RNF25: variants seen among roughly 807,000 people sequenced by gnomAD.
RNF25 encodes ring finger protein 25.
RNF25 carries 32 observed loss-of-function variants against 65.0 expected under a neutral mutation model. That is an observed-to-expected ratio of 0.49 (90% CI 0.37 to 0.66). The LOEUF is 0.66. Ranked by LOEUF, RNF25 falls within the 30% of genes least tolerant of loss-of-function variation. The pLI, the probability that RNF25 is intolerant of heterozygous loss-of-function variation, is 0.00. For synonymous variants in RNF25, 207 were observed against 221.2 expected (o/e 0.94, Z 0.57); for missense variants, 493 against 584.8 (o/e 0.84, Z 1.62).
Position 218,664,296 on chromosome 2 carries a change from C to T in RNF25, c.1041G>A (p.Trp347Ter). 6.2e-7 allele frequency: 1 copy of T among 1,611,138 alleles called. No individual in the cohort carries two copies. Among genetic ancestry groups the T allele is most frequent in the Non-Finnish European group, 8.5e-7 (1 of 1,177,618 alleles). ...LDPPKPSRGP[W>*]RQPERRHPKG... ...TTGGGTGCCTCCGTTCGGGCTGTCG[C>T]CAGGGACCTCGACTGGGCTTGGGGG... Residue 347 changes from tryptophan to a stop codon, truncating the protein, a stop_gained, in exon 10 of 10, where the codon TGG becomes TGA. Coordinates refer to ENST00000295704, the MANE Select transcript of RNF25 (RefSeq NM_022453.3). LOFTEE classifies it high-confidence loss of function. This position sits in a 1 kb window ranked among gnomAD's most constrained non-coding sequence, Gnocchi z 5.1.
At position 218,664,665 on chromosome 2, in the gene RNF25, C is replaced by T; in HGVS notation, c.801+74G>A. The T allele has an allele frequency of 6.2e-7, 1 of 1,603,030 alleles. No homozygotes were observed. The highest frequency in any genetic ancestry group is 2.2e-5 in the East Asian group (1 of 44,846). On this transcript the variant is annotated intron_variant, in intron 9 of 9. Coordinates refer to ENST00000295704, the MANE Select transcript of RNF25 (RefSeq NM_022453.3). The surrounding 1 kb of genome is among the most constrained non-coding windows in gnomAD (Gnocchi z 5.1). ...CTTCCTGGTTAGAACAAAGCTCACT[C>T]TGGGGCCATGGCTGATTGGGGTTTG...
intron 2 of RNF25, 47 bp from the exon 3 acceptor site, chr2:218,668,388 T>TGGGGGTTG: frequency 1.4e-6 from 1 of 722,234 alleles, no homozygotes; most frequent in Admixed American, 2.7e-5. Context: ...GGTAGGGGCT[T>TGGGGGTTG]GGGGGCTGGG....
Position 218,664,917 on chromosome 2 carries a change from G to A in RNF25, c.667-44C>T. 1 of 1,611,554 alleles carries A rather than the reference G, an allele frequency of 6.2e-7. No individual in the cohort carries two copies. The highest frequency in any genetic ancestry group is 8.5e-7 in the Non-Finnish European group (1 of 1,178,942). ...GAGAGGAAATAATGAACAGCAGAAG[G>A]CTGACTCAAACCTCTACTCCTCCCA... is the stretch of plus-strand genomic sequence containing the variant. On this transcript the variant is annotated intron_variant, in intron 8 of 9. Transcript: ENST00000295704. The surrounding 1 kb of genome is among the most constrained non-coding windows in gnomAD (Gnocchi z 5.1).
Position 218,664,352 on chromosome 2 carries a change from A to G in RNF25, c.985T>C (p.Leu329=), listed in dbSNP as rs1398172851. 1.2e-6 allele frequency: 2 copies of G among 1,613,974 alleles called. No homozygotes were observed. The highest frequency in any genetic ancestry group is 2.7e-5 in the African/African-American group (2 of 74,902). Residue 329 remains leucine, a synonymous_variant, in exon 10 of 10, where the codon TTG becomes CTG. Coordinates refer to ENST00000295704, the MANE Select transcript of RNF25 (RefSeq NM_022453.3). The surrounding 1 kb of genome is among the most constrained non-coding windows in gnomAD (Gnocchi z 5.1). ...AGCATAGCTTTCTGGGTTTCGCCCAACCTTTGCTGATTTGACCTGGTCCCT... is the reference window on the plus strand; with the variant it reads ...AGCATAGCTTTCTGGGTTTCGCCCAGCCTTTGCTGATTTGACCTGGTCCCT... ...IPGTRSNQQR[L]GETQKAMLDP...
chr2:218,665,762 G>A (rs902370660), intron 7 of RNF25, among the ~76,000 whole-genome samples, 154 bp downstream of exon 7: 3 of 151,774 alleles, frequency 2.0e-5, no homozygotes, highest in African/African-American at 7.3e-5. Flanking sequence ...AAAAAAGGAT[G>A]CCCTTTATTC....
intron 5 of RNF25, among the ~76,000 whole-genome samples, chr2:218,667,471 C>G (rs1274281049): frequency 6.6e-6 from 1 of 151,920 alleles, no homozygotes; most frequent in Non-Finnish European, 1.5e-5. Context: ...CTTCCTCAGC[C>G]TCCCAAGTAA....
Position 218,665,188 on chromosome 2 carries a change from T to C in RNF25, c.633A>G (p.Ser211=). ...GTTGGGGTTCAGGGGCTGCTTTCAG[T>C]GAGGCAAGATCATACACGAGGGGCT... is the stretch of plus-strand genomic sequence containing the variant. ...CREPLVYDLA[S]LKAAPEPQQP... Residue 211 remains serine, a synonymous_variant, in exon 8 of 10, where the codon TCA becomes TCG. Coordinates refer to ENST00000295704, the MANE Select transcript of RNF25 (RefSeq NM_022453.3). 6.2e-7 allele frequency: 1 copy of C among 1,614,174 alleles called. No homozygotes were observed. Among genetic ancestry groups the C allele is most frequent in the Non-Finnish European group, 8.5e-7 (1 of 1,180,028 alleles).
chr2:218,671,837 C>T lies in RNF25; in HGVS notation c.41+93G>A. ...TGCCATCCCTCATCCCTCGCTCCAC[C>T]CCACACGCCCGCCGTACGGACCGTC... is the stretch of plus-strand genomic sequence containing the variant. On this transcript the variant is annotated intron_variant, in intron 1 of 9. Coordinates refer to ENST00000295704, the MANE Select transcript of RNF25 (RefSeq NM_022453.3). 6 of 1,417,556 alleles carry T rather than the reference C, an allele frequency of 4.2e-6. No homozygotes were observed. The South Asian group carries it at 6.0e-5, about 14-fold the overall frequency. The allele number at this position is 1,417,556 out of a possible 1,614,324, so 87.8% of individuals were successfully genotyped here. A position where few individuals can be genotyped will look rare whatever the true frequency, so the allele number is the denominator to read the frequency against.
Position 218,664,081 on chromosome 2 carries a change from C to A in RNF25, c.1256G>T (p.Arg419Leu). The A allele has an allele frequency of 2.0e-6, 3 of 1,514,722 alleles. No individual in the cohort carries two copies. Among genetic ancestry groups the A allele is most frequent in the Non-Finnish European group, 2.6e-6 (3 of 1,132,932 alleles). The allele number at this position is 1,514,722 out of a possible 1,614,324, so 93.8% of individuals were successfully genotyped here. ...PPPRRTRDCV[R>L]WERSKGRTPG... ...TGTCCGGCCTTTAGAGCGCTCCCAG[C>A]GAACACAGTCCCGAGTCCTGCGGGG... is the stretch of plus-strand genomic sequence containing the variant. The change falls in exon 10 of 10, where the codon CGC (arginine) becomes CTC (leucine). Residue 419 changes from arginine to leucine, a missense_variant. Around this residue, in one of 3 missense-constraint regions of RNF25, gnomAD observed 351 missense variants for 400.2 expected, o/e 0.88. Coordinates refer to ENST00000295704, the MANE Select transcript of RNF25 (RefSeq NM_022453.3). The surrounding 1 kb of genome is among the most constrained non-coding windows in gnomAD (Gnocchi z 5.1).
At position 218,663,939 on chromosome 2, in the gene RNF25, T is replaced by C. The variant is rs1553598570; in HGVS notation, c.*18A>G. Reference sequence around the variant, plus strand: ...CTCCCTCCCATCCCCAATTCCCTGTTCCCCCCACCAAGTCCTGCTAGGAAC... The same window carrying C: ...CTCCCTCCCATCCCCAATTCCCTGTCCCCCCCACCAAGTCCTGCTAGGAAC... On this transcript the variant is annotated 3_prime_UTR_variant, in exon 10 of 10. Coordinates refer to ENST00000295704, the MANE Select transcript of RNF25 (RefSeq NM_022453.3). 2.1e-6 allele frequency: 3 copies of C among 1,420,334 alleles called. No individual in the cohort carries two copies. Among genetic ancestry groups the C allele is most frequent in the Non-Finnish European group, 2.8e-6 (3 of 1,083,312 alleles). The allele number at this position is 1,420,334 out of a possible 1,614,324, so 88.0% of individuals were successfully genotyped here. A position where few individuals can be genotyped will look rare whatever the true frequency, so the allele number is the denominator to read the frequency against.
At chr2:218,668,795 G>T in intron 1 of RNF25, 116 bp from the exon 2 acceptor site, 1 of 727,196 alleles carries the variant, frequency 1.4e-6, no homozygotes, top group Non-Finnish European at 2.4e-6. Context: ...GCATTCTCCT[G>T]CTAAACTCCT....
Position 218,664,638 on chromosome 2 carries a change from A to G in RNF25, c.801+101T>C. 1.3e-6 allele frequency: 2 copies of G among 1,582,330 alleles called. No homozygotes were observed. Among genetic ancestry groups the G allele is most frequent in the Admixed American group, 1.7e-5 (1 of 58,294 alleles). On this transcript the variant is annotated intron_variant, in intron 9 of 9. Coordinates refer to ENST00000295704, the MANE Select transcript of RNF25 (RefSeq NM_022453.3). The surrounding 1 kb of genome is among the most constrained non-coding windows in gnomAD (Gnocchi z 5.1). ...CTGGGCTGACCACGATCAGCCTATCATCTTCCTGGTTAGAACAAAGCTCAC... is the reference window on the plus strand; with the variant it reads ...CTGGGCTGACCACGATCAGCCTATCGTCTTCCTGGTTAGAACAAAGCTCAC...
intron 1 of RNF25, 75 bp downstream of exon 1, chr2:218,671,855 G>T: frequency 6.5e-7 from 1 of 1,545,524 alleles, no homozygotes; most frequent in Non-Finnish European, 8.9e-7. Flanking sequence ...CCCGCCGTAC[G>T]GACCGTCTGC....
intron 5 of RNF25, among the ~76,000 whole-genome samples, chr2:218,666,577 C>T (rs1234733820): frequency 1.3e-5 from 2 of 152,110 alleles, no homozygotes; most frequent in African/African-American, 2.4e-5. Flanking sequence ...CTTGATTAGC[C>T]CCCTTCAATA....
intron 5 of RNF25, among the ~76,000 whole-genome samples, chr2:218,666,696 G>T (rs748630298): frequency 3.6e-4 from 55 of 152,200 alleles, no homozygotes; most frequent in Non-Finnish European, 7.1e-4. Context: ...GAGTTGGGCT[G>T]TGAACTATGC....
chr2:218,667,895 A>C lies in RNF25; in HGVS notation c.357+17T>G. On this transcript the variant is annotated intron_variant, in intron 5 of 9. Transcript: ENST00000295704. ...GCTTGAAGGAAAGAACATATCTCAG[A>C]CTAGCGCACCTCTTACCTCAATGAG... The C allele has an allele frequency of 6.2e-7, 1 of 1,611,052 alleles. No homozygotes were observed. The highest frequency in any genetic ancestry group is 8.5e-7 in the Non-Finnish European group (1 of 1,177,676).
At position 218,665,031 on chromosome 2, in the gene RNF25, CAG is replaced by C; in HGVS notation, c.666+122_666+123del. On this transcript the variant is annotated intron_variant, in intron 8 of 9. Transcript: ENST00000295704. The stretch of plus-strand genomic sequence containing the variant: ...CCCGCCAGTGGGGGATGTGGCTTTG[CAG>C]AGAGGTCCTAGGCAGTTCAAGCCCA... 10 of 1,430,398 alleles carry C rather than the reference CAG, an allele frequency of 7.0e-6. No individual in the cohort carries two copies. The South Asian group carries it at 1.2e-4, about 17-fold the overall frequency. 88.6% of individuals were successfully genotyped at this position (1,430,398 alleles called of 1,614,324 possible).
intron 1 of RNF25, among the ~76,000 whole-genome samples, chr2:218,670,090 T>C (rs1939912492): frequency 6.6e-6 from 1 of 151,358 alleles, no homozygotes; most frequent in African/African-American, 2.4e-5. Flanking sequence ...TCCCAGCTAC[T>C]TGGGAGACTG....
Position 218,665,938 on chromosome 2 carries a change from C to A in RNF25, c.551G>T (p.Arg184Leu), listed in dbSNP as rs115176595. Residue 184 changes from arginine (R) to leucine (L), a missense_variant, in exon 7 of 10, where the codon CGG becomes CTG. By Grantham distance (102) the Arg-to-Leu change is moderately radical (BLOSUM62 -2). Transcript: ENST00000295704. ...TACCTGTTTGGTTGTAGCATGCTGC[C>A]GTTCCTGTTCCTGCTCCTGTCCTTG... The part of the protein sequence containing the change: ...KAQGQEQEQE[R>L]QHATTKQKAV... 6.2e-7 allele frequency: 1 copy of A among 1,613,936 alleles called. No homozygotes were observed. Among genetic ancestry groups the A allele is most frequent in the East Asian group, 2.2e-5 (1 of 44,878 alleles).
Sources: allele counts gnomAD v4.1 joint callset (sites outside exome capture counted in the v4.1 genomes callset), GRCh38; gene constraint gnomAD v4.1.1; regional missense constraint gnomAD v4.1.1; non-coding constraint Gnocchi (gnomAD v3.1); transcripts MANE v1.5; gene names NCBI Gene and HGNC (gene_info 2026-07-23, HGNC 2026-07-21).